RPTOR: variants seen among roughly 807,000 people sequenced by gnomAD.
The protein encoded by RPTOR is regulatory-associated protein of mTOR.
Under a neutral mutation model 169.9 loss-of-function variants are expected in RPTOR, and 21 were observed. The observed-to-expected ratio is 0.12, with a 90% CI of 0.09 to 0.18. The LOEUF is 0.18. RPTOR is among the 10% of genes least tolerant of loss of function. The pLI is 1.00. For missense variants in RPTOR, 1,133 were observed against 1,855.9 expected (o/e 0.61, Z 7.16); for synonymous variants, 732 against 753.2 (o/e 0.97, Z 0.46).
intron 9 of RPTOR, among the ~76,000 whole-genome samples, chr17:80,829,976 G>A (rs189705680): frequency 7.2e-5 from 11 of 152,282 alleles, no homozygotes; most frequent in African/African-American, 1.9e-4. Context: ...AAGTAAACAC[G>A]AGTCAGTTCC....
At chr17:80,585,771 G>A (rs766238881) in intron 1 of RPTOR, among the ~76,000 whole-genome samples, 19 of 152,106 alleles carry the variant, frequency 1.2e-4, no homozygotes, top group Non-Finnish European at 2.6e-4. Flanking sequence ...GGAGCCTGGA[G>A]GTATACTTAA....
Position 80,964,259 on chromosome 17 carries a change from C to T in RPTOR, c.3940-3C>T, listed in dbSNP as rs764543384. 8 of 1,605,582 alleles carry T rather than the reference C, an allele frequency of 5.0e-6. No individual in the cohort carries two copies. In the South Asian group the frequency reaches 8.8e-5, roughly 18 times the overall value. The stretch of plus-strand genomic sequence containing the variant: ...CCTGCTCACCCCTTCTCTCTCCTTG[C>T]AGCCTCACCTGGCCGTGGGAAGCAA... On this transcript the variant is annotated splice_region_variant and splice_polypyrimidine_tract_variant and intron_variant, in intron 33 of 33. Coordinates refer to ENST00000306801, the MANE Select transcript of RPTOR (RefSeq NM_020761.3).
intron 1 of RPTOR, among the ~76,000 whole-genome samples, chr17:80,582,295 T>G (rs1197085365): frequency 6.6e-6 from 1 of 152,172 alleles, no homozygotes; most frequent in Non-Finnish European, 1.5e-5. Flanking sequence ...GAACATCAGT[T>G]TCCTGTAAGG....
At chr17:80,857,252 C>T (rs879765420) in intron 12 of RPTOR, among the ~76,000 whole-genome samples, 37 of 152,260 alleles carry the variant, frequency 2.4e-4, no homozygotes, top group Non-Finnish European at 3.4e-4. Context: ...GGGCAACCCC[C>T]GCTCCTCCCT....
At chr17:80,750,187 T>G (rs2066617473) in intron 5 of RPTOR, among the ~76,000 whole-genome samples, 1 of 152,208 alleles carries the variant, frequency 6.6e-6, no homozygotes, top group Non-Finnish European at 1.5e-5. Flanking sequence ...TAAACCACAC[T>G]GATATTTTTT....
chr17:80,579,487 C>T (rs2064996298), intron 1 of RPTOR, among the ~76,000 whole-genome samples: 1 of 152,166 alleles, frequency 6.6e-6, no homozygotes. Flanking sequence ...CCACCATGCC[C>T]GGCCCTTCCT....
intron 9 of RPTOR, among the ~76,000 whole-genome samples, chr17:80,834,393 C>G (rs535710957): frequency 5.3e-5 from 8 of 152,326 alleles, no homozygotes; most frequent in African/African-American, 1.7e-4. Context: ...CGGACGGCCC[C>G]GAGCAGCCTC....
At chr17:80,963,181 C>T (rs2144105922) in intron 33 of RPTOR, 124 bp downstream of exon 33, 2 of 969,888 alleles carry the variant, frequency 2.1e-6, no homozygotes, top group East Asian at 2.6e-5. Context: ...CATTGGCTGC[C>T]TGAGGGAGGG....
intron 31 of RPTOR, chr17:80,961,741 G>C: frequency 2.2e-6 from 1 of 456,138 alleles, no homozygotes; most frequent in Non-Finnish European, 3.9e-6. Flanking sequence ...GGGTTCCGGG[G>C]GGAGTTGGGC....
rs563048339 is a variant in RPTOR, at chr17:80,852,959, C to G, written c.1315-2505C>G. ...GGTTTTCAAACTCATCCCAAACCTT[C>G]TTTTCTAGAGTTTGCTTTCCTTCAC... On this transcript the variant is annotated intron_variant, in intron 11 of 33. Coordinates refer to ENST00000306801, the MANE Select transcript of RPTOR (RefSeq NM_020761.3). 1.2e-4 allele frequency among the ~76,000 whole-genome samples: 18 copies of G among 152,222 alleles called. No homozygotes were observed. In the South Asian group the frequency reaches 2.7e-3, roughly 23 times the overall value.
intron 4 of RPTOR, among the ~76,000 whole-genome samples, chr17:80,714,051 G>T (rs2066219373): frequency 6.6e-6 from 1 of 152,046 alleles, no homozygotes; most frequent in Admixed American, 6.6e-5. Flanking sequence ...CTATTCTCCT[G>T]CCTCAGCCTC....
chr17:80,823,406 C>G lies in RPTOR; in HGVS notation c.1136+183C>G, dbSNP rs552591745. The G allele has an allele frequency of 1.3e-4, 94 of 731,822 alleles. No homozygotes were observed. The South Asian group carries it at 2.0e-3, about 15-fold the overall frequency. The allele number at this position is 731,822 out of a possible 1,614,324, so 45.3% of individuals were successfully genotyped here. Reference sequence around the variant, plus strand: ...TCTCCACACAGAGGAGTGGGGGTCTCCTTCAGAGGGCAGAAGCCTTGGAGG... The same window carrying G: ...TCTCCACACAGAGGAGTGGGGGTCTGCTTCAGAGGGCAGAAGCCTTGGAGG... On this transcript the variant is annotated intron_variant, in intron 9 of 33. Coordinates refer to ENST00000306801, the MANE Select transcript of RPTOR (RefSeq NM_020761.3). This position sits in a 1 kb window ranked among gnomAD's most constrained non-coding sequence, Gnocchi z 4.5.
At chr17:80,582,337 T>C (rs775595175) in intron 1 of RPTOR, among the ~76,000 whole-genome samples, 2 of 152,082 alleles carry the variant, frequency 1.3e-5, no homozygotes, top group Admixed American at 1.3e-4. Context: ...CTGTGATTGA[T>C]GTGAATAAAA....
chr17:80,703,716 C>T (rs544814215), intron 3 of RPTOR, among the ~76,000 whole-genome samples: 2 of 152,314 alleles, frequency 1.3e-5, no homozygotes, highest in East Asian at 3.9e-4. Flanking sequence ...CCGGAGGAGC[C>T]TCGGTGATGG....
chr17:80,632,372 C>G (rs1375365167), intron 2 of RPTOR, among the ~76,000 whole-genome samples: 3 of 152,222 alleles, frequency 2.0e-5, no homozygotes, highest in Non-Finnish European at 4.4e-5. Flanking sequence ...TAGGTGTCAT[C>G]TGAGGATCCA....
intron 3 of RPTOR, among the ~76,000 whole-genome samples, chr17:80,702,577 TATTA>T (rs1177028075): frequency 6.6e-6 from 1 of 152,204 alleles, no homozygotes; most frequent in African/African-American, 2.4e-5. Flanking sequence ...CCCTTAAAAA[TATTA>T]ATTAATTCCC....
At chr17:80,863,750 C>A (rs934294504) in intron 13 of RPTOR, among the ~76,000 whole-genome samples, 1 of 152,122 alleles carries the variant, frequency 6.6e-6, no homozygotes, top group Non-Finnish European at 1.5e-5. Flanking sequence ...AACCTCGACT[C>A]CACATGAAAA....
rs1050838171 is a variant in RPTOR at position 80,819,145 on chromosome 17, G to A, written c.891-3056G>A. Among the ~76,000 whole-genome samples, 5 of 152,192 alleles carry A rather than the reference G, an allele frequency of 3.3e-5. No homozygotes were observed. The South Asian group carries it at 8.3e-4, about 25-fold the overall frequency. ...CTGGCCCCCGCCAGCTGCTCGAGCT[G>A]TGCTGCACCCCTAGGCTCCCTCCCC... On this transcript the variant is annotated intron_variant, in intron 7 of 33. Coordinates refer to ENST00000306801, the MANE Select transcript of RPTOR (RefSeq NM_020761.3).
Position 80,659,778 on chromosome 17 carries a change from A to C in RPTOR, c.348+15968A>C, listed in dbSNP as rs78729235. The stretch of plus-strand genomic sequence containing the variant: ...TTGGTCTCCCAAAGTGCTGAGATAC[A>C]GGCGTGAGCCACTGCGCCCGGACCA... On this transcript the variant is annotated intron_variant, in intron 3 of 33. Coordinates refer to ENST00000306801, the MANE Select transcript of RPTOR (RefSeq NM_020761.3). The surrounding 1 kb of genome is among the most constrained non-coding windows in gnomAD (Gnocchi z 4.3). Among the ~76,000 whole-genome samples, 1 of 152,094 alleles carries C rather than the reference A, an allele frequency of 6.6e-6. No homozygotes were observed. Among genetic ancestry groups the C allele is most frequent in the African/African-American group, 2.4e-5 (1 of 41,406 alleles).
Sources: gnomAD v4.1 joint callset for allele counts (sites outside exome capture counted in the v4.1 genomes callset) on GRCh38, gnomAD v4.1.1 for gene constraint, Gnocchi (gnomAD v3.1) non-coding constraint, MANE v1.5 for transcripts, NCBI Gene and HGNC (gene_info 2026-07-23, HGNC 2026-07-21) for gene names.